Variants in PIGK observed in about 807,000 individuals in gnomAD.
The protein encoded by PIGK is GPI-anchor transamidase.
Under a neutral mutation model 50.6 loss-of-function variants are expected in PIGK, and 42 were observed. The ratio of observed to expected loss-of-function variants is 0.83; its 90% CI spans 0.65 to 1.07. PIGK has a LOEUF of 1.07. PIGK is among the 50% of genes least tolerant of loss of function. PIGK has a pLI of 0.00. For synonymous variants in PIGK, 151 were observed against 156.0 expected, an observed-to-expected ratio of 0.97 and a Z score of 0.24; for missense variants, 448 against 488.7, an observed-to-expected ratio of 0.92 and a Z score of 0.78.
intron 9 of PIGK, among the ~76,000 whole-genome samples, chr1:77,150,355 C>T (rs1043971864): frequency 4.0e-5 from 6 of 150,986 alleles, no homozygotes; most frequent in Non-Finnish European, 8.9e-5. Context: ...CCCATCTCTA[C>T]AAAAAATAAA....
At chr1:77,123,681 CAA>C (rs1347606156) in intron 9 of PIGK, among the ~76,000 whole-genome samples, 2 of 151,524 alleles carry the variant, frequency 1.3e-5, no homozygotes, top group Non-Finnish European at 2.9e-5. Flanking sequence ...GTTCCGTTCG[CAA>C]GATGAAAAAA....
chr1:77,155,585 G>A (rs1180848035), intron 8 of PIGK, among the ~76,000 whole-genome samples: 1 of 144,416 alleles, frequency 6.9e-6, no homozygotes, highest in Admixed American at 7.1e-5. Flanking sequence ...AAAACAGAGA[G>A]TGAAATTCAA....
At chr1:77,176,555 C>T (rs1173685502) in intron 3 of PIGK, among the ~76,000 whole-genome samples, 1 of 152,062 alleles carries the variant, frequency 6.6e-6, no homozygotes, top group East Asian at 1.9e-4. Flanking sequence ...AAGTCACTTC[C>T]AGTTAATTGC....
At position 77,095,821 on chromosome 1, in the gene PIGK, A is replaced by G. The variant is rs1653393735; in HGVS notation, c.1072-3331T>C. ...GTCTAAGAACCAGTCACTTGGAACC[A>G]TATAACAACCTATTCCTCAGATACA... On this transcript the variant is annotated intron_variant, in intron 10 of 10. Coordinates refer to ENST00000370812, the MANE Select transcript of PIGK (RefSeq NM_005482.3). 2.0e-5 allele frequency among the ~76,000 whole-genome samples: 3 copies of G among 152,310 alleles called. No individual in the cohort carries two copies. The South Asian group carries it at 6.2e-4, about 32-fold the overall frequency.
chr1:77,191,494 G>A (rs1448232590), intron 3 of PIGK, among the ~76,000 whole-genome samples: 2 of 152,184 alleles, frequency 1.3e-5, no homozygotes, highest in Admixed American at 1.3e-4. Context: ...TTAGAGTGCT[G>A]CAAGCAATTT....
chr1:77,099,081 G>A (rs1052226475), intron 10 of PIGK, among the ~76,000 whole-genome samples: 1 of 151,620 alleles, frequency 6.6e-6, no homozygotes, highest in African/African-American at 2.4e-5. Flanking sequence ...TCTTCTCAGT[G>A]GCTACATAAT....
intron 8 of PIGK, among the ~76,000 whole-genome samples, chr1:77,159,725 G>A (rs916365562): frequency 3.3e-5 from 5 of 152,140 alleles, no homozygotes; most frequent in East Asian, 3.9e-4. Context: ...TAGTGCCTTC[G>A]TTTTGGCCAA....
At chr1:77,125,924 C>G (rs558701423) in intron 9 of PIGK, among the ~76,000 whole-genome samples, 5 of 152,014 alleles carry the variant, frequency 3.3e-5, no homozygotes, top group Non-Finnish European at 5.9e-5. Context: ...CCATTCTTTA[C>G]GTCTTTTATT....
chr1:77,128,533 G>C (rs566338033), intron 9 of PIGK, among the ~76,000 whole-genome samples: 2 of 152,158 alleles, frequency 1.3e-5, no homozygotes, highest in African/African-American at 4.8e-5. Context: ...AAAAATTATA[G>C]GCAGGCTTTC....
intron 3 of PIGK, among the ~76,000 whole-genome samples, chr1:77,175,274 C>T (rs1419891053): frequency 6.6e-6 from 1 of 152,080 alleles, no homozygotes; most frequent in Non-Finnish European, 1.5e-5. Flanking sequence ...CGTCCTCTAG[C>T]TATGCAAAGA....
intron 2 of PIGK, 100 bp downstream of exon 2, chr1:77,210,336 T>C: frequency 1.7e-6 from 1 of 594,854 alleles, no homozygotes; most frequent in South Asian, 2.8e-5. Context: ...TGATATAAAA[T>C]GTAAAAAAAT....
At chr1:77,203,299 A>C (rs1656213391) in intron 3 of PIGK, among the ~76,000 whole-genome samples, 1 of 152,224 alleles carries the variant, frequency 6.6e-6, no homozygotes, top group Non-Finnish European at 1.5e-5. Context: ...AACATACTGA[A>C]GGTAGCTAAA....
intron 9 of PIGK, among the ~76,000 whole-genome samples, chr1:77,151,389 C>T (rs188713554): frequency 6.6e-6 from 1 of 152,276 alleles, no homozygotes; most frequent in East Asian, 1.9e-4. Flanking sequence ...CAGCTAATAT[C>T]ATACTTAATG....
chr1:77,188,452 G>C (rs538447644), intron 3 of PIGK, among the ~76,000 whole-genome samples: 3 of 152,022 alleles, frequency 2.0e-5, no homozygotes, highest in African/African-American at 4.8e-5. Flanking sequence ...TGGTCAGACC[G>C]GTTGATCTCA....
intron 8 of PIGK, among the ~76,000 whole-genome samples, chr1:77,159,222 A>G (rs12032956): frequency 0.35 from 53,172 of 152,006 alleles, 10,118 homozygotes; most frequent in East Asian, 0.44. Flanking sequence ...CAGCTTACAC[A>G]TGGTGTTAAG....
chr1:77,205,236 C>T (rs6695084), intron 3 of PIGK, among the ~76,000 whole-genome samples: 1,890 of 151,940 alleles, frequency 0.012, 48 homozygotes, highest in African/African-American at 0.043. Context: ...CCAGTATAGA[C>T]GCAAGAGCCG....
At chr1:77,139,103 A>G (rs1474416840) in intron 9 of PIGK, among the ~76,000 whole-genome samples, 14 of 152,082 alleles carry the variant, frequency 9.2e-5, no homozygotes, top group Non-Finnish European at 1.5e-4. Context: ...AAATGGATCC[A>G]CAGTCTTTTC....
At chr1:77,184,292 C>T (rs555838958) in intron 3 of PIGK, among the ~76,000 whole-genome samples, 116 of 152,092 alleles carry the variant, frequency 7.6e-4, no homozygotes, top group African/African-American at 2.6e-3. Context: ...GTCAAATGGA[C>T]AAAAGACTGA....
Position 77,175,943 on chromosome 1 carries a change from A to C in PIGK, c.240-6548T>G, listed in dbSNP as rs577651327. ...AAATTGAGGTTGACATTAATAGTAG[A>C]CTTATGAAAGGGTGAAATTTGGCTC... On this transcript the variant is annotated intron_variant, in intron 3 of 10. Transcript: ENST00000370812. Among the ~76,000 whole-genome samples, 9 of 152,198 alleles carry C rather than the reference A, an allele frequency of 5.9e-5. No homozygotes were observed. The South Asian group carries it at 6.2e-4, about 11-fold the overall frequency.
Sources: allele counts gnomAD v4.1 joint callset (sites outside exome capture counted in the v4.1 genomes callset), GRCh38; gene constraint gnomAD v4.1.1; transcripts MANE v1.5; gene names NCBI Gene and HGNC (gene_info 2026-07-23, HGNC 2026-07-21).